TRPC1: variants seen among roughly 807,000 people sequenced by gnomAD.
The protein encoded by TRPC1 is short transient receptor potential channel 1.
TRPC1 carries 42 observed loss-of-function variants against 88.2 expected under a neutral mutation model. The observed-to-expected ratio is 0.48, with a 90% CI of 0.37 to 0.62. TRPC1 has a LOEUF of 0.62. TRPC1 is among the 20% of genes least tolerant of loss of function. The pLI, the probability that TRPC1 is intolerant of heterozygous loss-of-function variation, is 0.00. For synonymous variants in TRPC1, 288 were observed against 331.8 expected, an observed-to-expected ratio of 0.87 and a Z score of 1.43; for missense variants, 699 against 957.3, an observed-to-expected ratio of 0.73 and a Z score of 3.56.
At chr3:142,763,959 A>AATATATATATATATATAT (rs1159520441) in intron 4 of TRPC1, among the ~76,000 whole-genome samples, 3,605 of 75,760 alleles carry the variant, frequency 0.048, 178 homozygotes, top group Middle Eastern at 0.12. Context: ...AAAAAAAAGA[A>AATATATATATATATATAT]ATATATATAT....
chr3:142,807,084 TA>T lies in TRPC1; in HGVS notation c.*850del, dbSNP rs886542084. The stretch of plus-strand genomic sequence containing the variant: ...TAATTTTTTTGTATCATAATAGTCC[TA>T]TTTTTTTTTCAAGTTGGAGTGAATG... On this transcript the variant is annotated 3_prime_UTR_variant, in exon 13 of 13. Coordinates refer to ENST00000476941, the MANE Select transcript of TRPC1 (RefSeq NM_001251845.2). 6 of 152,110 alleles carry T rather than the reference TA, an allele frequency of 3.9e-5. No homozygotes were observed. Among genetic ancestry groups the T allele is most frequent in the African/African-American group, 9.7e-5 (4 of 41,450 alleles). The allele number at this position is 152,110 out of a possible 1,614,324, so 9.4% of individuals were successfully genotyped here.
intron 2 of TRPC1, among the ~76,000 whole-genome samples, chr3:142,737,446 C>A (rs1406076576): frequency 1.3e-5 from 2 of 151,878 alleles, no homozygotes; most frequent in African/African-American, 4.8e-5. Flanking sequence ...GCTATCCAGA[C>A]CACAATTGAG....
chr3:142,803,086 T>C (rs1458699497), intron 10 of TRPC1, among the ~76,000 whole-genome samples: 1 of 152,146 alleles, frequency 6.6e-6, no homozygotes, highest in Non-Finnish European at 1.5e-5. Context: ...AGGGAGGTGA[T>C]ACAGGCAATA....
chr3:142,804,188 T>C lies in TRPC1; in HGVS notation c.1959+10T>C. 1 of 1,613,656 alleles carries C rather than the reference T, an allele frequency of 6.2e-7. No homozygotes were observed. On this transcript the variant is annotated intron_variant, in intron 11 of 12. Coordinates refer to ENST00000476941, the MANE Select transcript of TRPC1 (RefSeq NM_001251845.2). ...CTTTCAGTTGATAGCAGTAAGTTCA[T>C]TCTTTTAAAAACTTTATATTCTCCT...
chr3:142,797,133 T>G (rs762039231), intron 9 of TRPC1, among the ~76,000 whole-genome samples: 21 of 152,048 alleles, frequency 1.4e-4, no homozygotes, highest in Admixed American at 2.6e-4. Context: ...GACCTCATGC[T>G]TTCAGGCCTC....
At chr3:142,749,514 A>T (rs1291417267) in intron 4 of TRPC1, among the ~76,000 whole-genome samples, 1 of 152,190 alleles carries the variant, frequency 6.6e-6, no homozygotes, top group African/African-American at 2.4e-5. Flanking sequence ...TTGGGACAGG[A>T]TATGGAGGTG....
At chr3:142,805,210 T>TG (rs2108170282) in intron 12 of TRPC1, among the ~76,000 whole-genome samples, 2 of 151,800 alleles carry the variant, frequency 1.3e-5, no homozygotes, top group South Asian at 4.2e-4. Flanking sequence ...GAGATTTTTT[T>TG]TTTTACTTTT....
rs192835638 is a variant in TRPC1, at chr3:142,773,298, C to T, written c.633-4334C>T. Among the ~76,000 whole-genome samples the T allele has an allele frequency of 9.2e-5, 14 of 151,988 alleles. No homozygotes were observed. The East Asian group carries it at 2.7e-3, about 29-fold the overall frequency. ...CGCAATCTCAGCTCACTGCAACCTT[C>T]ACCTCCTGGGTTCAAGCAATTCTCC... On this transcript the variant is annotated intron_variant, in intron 4 of 12. Transcript: ENST00000476941.
chr3:142,801,322 A>G (rs989933098), intron 9 of TRPC1: 3 of 146,080 alleles, frequency 2.1e-5, no homozygotes, highest in Admixed American at 6.7e-5. Context: ...ATTTTCTAAA[A>G]TTTTTTTGCT....
chr3:142,748,487 A>G, intron 4 of TRPC1, 27 bp downstream of exon 4: 1 of 1,601,758 alleles, frequency 6.2e-7, no homozygotes, highest in South Asian at 1.1e-5. Context: ...TTTGATAAAT[A>G]GATGTGTGAT....
At position 142,764,228 on chromosome 3, in the gene TRPC1, GTTA is replaced by G. The variant is rs965304541; in HGVS notation, c.633-13398_633-13396del. On this transcript the variant is annotated intron_variant, in intron 4 of 12. Coordinates refer to ENST00000476941, the MANE Select transcript of TRPC1 (RefSeq NM_001251845.2). Reference sequence around the variant, plus strand: ...ACCTATTTCTTAACAGGTTGCTATAGTTATTATTGTTTTTGATAAACTTGTCTT... The same window carrying G: ...ACCTATTTCTTAACAGGTTGCTATAGTTATTGTTTTTGATAAACTTGTCTT... 3.4e-4 allele frequency among the ~76,000 whole-genome samples: 51 copies of G among 151,628 alleles called. 1 individual carries two copies. The South Asian group carries it at 0.01, about 31-fold the overall frequency.
At chr3:142,802,418 T>C in intron 10 of TRPC1, 74 bp downstream of exon 10, 1 of 1,054,702 alleles carries the variant, frequency 9.5e-7, no homozygotes, top group Non-Finnish European at 1.2e-6. Flanking sequence ...TGAATTAGTA[T>C]CTATAGAAAT....
intron 4 of TRPC1, among the ~76,000 whole-genome samples, chr3:142,751,280 C>T (rs1409023479): frequency 6.6e-6 from 1 of 152,148 alleles, no homozygotes; most frequent in Non-Finnish European, 1.5e-5. Context: ...ATGGTAAATG[C>T]CCTGTACAGG....
chr3:142,749,337 T>C (rs1218322154), intron 4 of TRPC1, among the ~76,000 whole-genome samples: 1 of 152,242 alleles, frequency 6.6e-6, no homozygotes, highest in Non-Finnish European at 1.5e-5. Flanking sequence ...TACTGGTTTA[T>C]ATATTTACTA....
intron 2 of TRPC1, among the ~76,000 whole-genome samples, chr3:142,742,919 A>G (rs1560095613): frequency 6.6e-6 from 1 of 152,116 alleles, no homozygotes. Context: ...TAGCCTAACT[A>G]TTTGTGGCTT....
At chr3:142,777,576 T>A in intron 4 of TRPC1, 56 bp from the exon 5 acceptor site, 1 of 1,202,990 alleles carries the variant, frequency 8.3e-7, no homozygotes, top group Non-Finnish European at 1.1e-6. Flanking sequence ...TAGATTAAAA[T>A]ACGAATTATA....
intron 4 of TRPC1, among the ~76,000 whole-genome samples, chr3:142,773,584 T>G (rs976288763): frequency 2.7e-5 from 4 of 148,686 alleles, no homozygotes; most frequent in African/African-American, 5.0e-5. Flanking sequence ...GCAGGCAGTT[T>G]TTTTTTTTTT....
rs148156247 is a variant in TRPC1 at position 142,736,388 on chromosome 3, A to G, written c.182A>G (p.Tyr61Cys). ...GTATATTGTTATTTAGGTGACTATT[A>G]TATGGTTAAAAAGATTTTGGAGGAA... is the stretch of plus-strand genomic sequence containing the variant. ...FLLACDKGDYYMVKKILEENS... is the reference protein window; with the variant it reads ...FLLACDKGDYCMVKKILEENS... Residue 61 changes from tyrosine to cysteine, a missense_variant, in exon 2 of 13, where the codon TAT becomes TGT. Tyr to Cys is a radical substitution (Grantham distance 194, BLOSUM62 -2). This residue lies in a region of TRPC1 where 157 missense variants were observed against 127.0 expected (regional missense o/e 1.24). Transcript: ENST00000476941. The G allele has an allele frequency of 6.2e-7, 1 of 1,603,712 alleles. No individual in the cohort carries two copies. The highest frequency in any genetic ancestry group is 2.3e-5 in the East Asian group (1 of 44,362).
At chr3:142,765,368 A>G (rs888033203) in intron 4 of TRPC1, among the ~76,000 whole-genome samples, 5 of 152,190 alleles carry the variant, frequency 3.3e-5, no homozygotes, top group Non-Finnish European at 4.4e-5. Flanking sequence ...AGTTAAAGCA[A>G]TCTTAAGCAA....
Sources: gnomAD v4.1 joint callset for allele counts (sites outside exome capture counted in the v4.1 genomes callset) on GRCh38, gnomAD v4.1.1 for gene constraint, gnomAD v4.1.1 regional missense constraint, MANE v1.5 for transcripts, NCBI Gene and HGNC (gene_info 2026-07-23, HGNC 2026-07-21) for gene names.